The following DLGAP1 variants were observed in gnomAD, a reference collection of about 807,000 sequenced individuals.
DLGAP1 encodes DLG associated protein 1.
DLGAP1 carries 11 observed loss-of-function variants against 90.8 expected under a neutral mutation model. That is an observed-to-expected ratio of 0.12 (90% CI 0.08 to 0.20). The LOEUF is 0.20. DLGAP1 is among the 10% of genes least tolerant of loss of function. DLGAP1 has a pLI of 1.00. For missense variants in DLGAP1, 1,050 were observed against 1,333.8 expected, an observed-to-expected ratio of 0.79 and a Z score of 3.31; for synonymous variants, 558 against 540.7, an observed-to-expected ratio of 1.03 and a Z score of -0.44.
rs1568206879 is a variant in DLGAP1, at chr18:3,565,802, C to A, written c.2057+1688G>T. On this transcript the variant is annotated intron_variant, in intron 9 of 12. Transcript: ENST00000315677. The surrounding 1 kb of genome is among the most constrained non-coding windows in gnomAD (Gnocchi z 4.0). ...GTGAGCCGAAATTGCACCACTGCAC[C>A]CCAGCCTGGGCGACAGAGTGAGACT... Among the ~76,000 whole-genome samples, 2 of 151,698 alleles carry A rather than the reference C, an allele frequency of 1.3e-5. No individual in the cohort carries two copies. Among genetic ancestry groups the A allele is most frequent in the South Asian group, 2.1e-4 (1 of 4,794 alleles).
At chr18:3,589,784 T>C (rs910609516) in intron 7 of DLGAP1, among the ~76,000 whole-genome samples, 4 of 152,170 alleles carry the variant, frequency 2.6e-5, no homozygotes, top group African/African-American at 9.7e-5. Flanking sequence ...TGGTGTCATC[T>C]TACTGAGATG....
At chr18:3,953,904 G>A (rs2073035620) in intron 3 of DLGAP1, among the ~76,000 whole-genome samples, 1 of 152,192 alleles carries the variant, frequency 6.6e-6, no homozygotes, top group African/African-American at 2.4e-5. Context: ...GGGAAAAAAT[G>A]GCCGGAGAGA....
At chr18:4,021,388 GTCTC>G (rs1168900625) in intron 2 of DLGAP1, among the ~76,000 whole-genome samples, 1 of 151,928 alleles carries the variant, frequency 6.6e-6, no homozygotes, top group African/African-American at 2.4e-5. Context: ...ACCTCCCACT[GTCTC>G]TCTTTCTCTC....
At chr18:3,707,660 T>C (rs2061477696) in intron 7 of DLGAP1, among the ~76,000 whole-genome samples, 1 of 152,028 alleles carries the variant, frequency 6.6e-6, no homozygotes, top group African/African-American at 2.4e-5. Context: ...TGTCTTTTCA[T>C]TGCGCTTAGA....
intron 2 of DLGAP1, among the ~76,000 whole-genome samples, chr18:4,136,767 C>T (rs1319117997): frequency 2.0e-5 from 3 of 151,914 alleles, no homozygotes; most frequent in African/African-American, 7.3e-5. Context: ...TTCATTTTTG[C>T]TTTGGTTACC....
intron 5 of DLGAP1, among the ~76,000 whole-genome samples, chr18:3,754,708 G>A (rs1200442757): frequency 1.5e-5 from 2 of 133,748 alleles, no homozygotes; most frequent in Admixed American, 1.6e-4. Flanking sequence ...GGTGAAACCC[G>A]TCTCTACTAA....
At chr18:3,772,352 CTTTCTT>C (rs1568108701) in intron 5 of DLGAP1, among the ~76,000 whole-genome samples, 1,244 of 11,250 alleles carry the variant, frequency 0.11, 78 homozygotes, top group African/African-American at 0.14. Flanking sequence ...CTCTCTCTTT[CTTTCTT>C]TCTTTCTTTC....
chr18:3,551,764 CTTCCTTCT>C (rs1351351419), intron 9 of DLGAP1, among the ~76,000 whole-genome samples: 43 of 89,268 alleles, frequency 4.8e-4, no homozygotes, highest in African/African-American at 1.7e-3. Context: ...TCCTTCCTTC[CTTCCTTCT>C]TTCCTTCCTT....
chr18:3,923,661 A>G (rs1053754040), intron 3 of DLGAP1, among the ~76,000 whole-genome samples: 1 of 152,198 alleles, frequency 6.6e-6, no homozygotes, highest in Non-Finnish European at 1.5e-5. Context: ...TCCATTTTTT[A>G]AATTCCAAAG....
intron 1 of DLGAP1, among the ~76,000 whole-genome samples, chr18:4,226,313 G>T (rs368647055): frequency 6.6e-6 from 1 of 152,062 alleles, no homozygotes; most frequent in East Asian, 1.9e-4. Context: ...GAGTTCTTCA[G>T]TCTAAAAGAA....
intron 7 of DLGAP1, among the ~76,000 whole-genome samples, chr18:3,612,276 A>C (rs1355629089): frequency 2.0e-5 from 3 of 152,136 alleles, no homozygotes; most frequent in Non-Finnish European, 4.4e-5. Context: ...CTCTATAAAC[A>C]TCTGGTTTTT....
rs144643642 is a variant in DLGAP1 at position 4,254,503 on chromosome 18, T to C, written c.-266-103216A>G. Among the ~76,000 whole-genome samples, 626 of 152,342 alleles carry C rather than the reference T, an allele frequency of 4.1e-3. 6 individuals are homozygous for C. Among genetic ancestry groups the C allele is most frequent in the African/African-American group, 0.014 (601 of 41,576 alleles). On this transcript the variant is annotated intron_variant, in intron 1 of 12. Coordinates refer to ENST00000315677, the MANE Select transcript of DLGAP1 (RefSeq NM_004746.4). ...GTCGAATATCTAGGTCTTATTAAAC[T>C]CAATCAGGACTTCTCCAAAACATCA...
intron 3 of DLGAP1, among the ~76,000 whole-genome samples, chr18:3,941,443 T>G (rs1038905480): frequency 6.6e-6 from 1 of 152,176 alleles, no homozygotes; most frequent in East Asian, 1.9e-4. Flanking sequence ...GGAACCAAGG[T>G]TGGGCAAAGT....
intron 1 of DLGAP1, among the ~76,000 whole-genome samples, chr18:4,302,733 C>G (rs940028997): frequency 2.0e-5 from 3 of 152,016 alleles, no homozygotes; most frequent in Non-Finnish European, 2.9e-5. Context: ...GTTTTAGAAA[C>G]TTTTCTAATT....
At chr18:4,438,981 C>CA (rs1224477383) in intron 1 of DLGAP1, among the ~76,000 whole-genome samples, 1 of 152,192 alleles carries the variant, frequency 6.6e-6, no homozygotes, top group Non-Finnish European at 1.5e-5. Context: ...CTAGCAATGT[C>CA]ACGTTAGGAA....
chr18:3,898,778 A>G (rs2071716579), intron 3 of DLGAP1, among the ~76,000 whole-genome samples: 1 of 152,220 alleles, frequency 6.6e-6, no homozygotes, highest in African/African-American at 2.4e-5. Context: ...TGAACTAGAA[A>G]TAAAGTTATT....
intron 5 of DLGAP1, among the ~76,000 whole-genome samples, chr18:3,772,214 TTCTCTC>T (rs1167897030): frequency 2.0e-5 from 3 of 147,624 alleles, no homozygotes; most frequent in African/African-American, 7.7e-5. Flanking sequence ...CTCCTTTTCT[TTCTCTC>T]TTTCTTTTCT....
intron 7 of DLGAP1, among the ~76,000 whole-genome samples, chr18:3,693,661 A>T (rs2060977422): frequency 6.6e-6 from 1 of 152,252 alleles, no homozygotes; most frequent in Non-Finnish European, 1.5e-5. Flanking sequence ...ACTGAGGACC[A>T]TAAATTCTCT....
intron 3 of DLGAP1, among the ~76,000 whole-genome samples, chr18:3,889,774 T>C (rs923973912): frequency 6.6e-6 from 1 of 152,212 alleles, no homozygotes; most frequent in Non-Finnish European, 1.5e-5. Context: ...CTAGAATCAC[T>C]GGACTCTGGT....
Sources: gnomAD v4.1 joint callset for allele counts (sites outside exome capture counted in the v4.1 genomes callset) on GRCh38, gnomAD v4.1.1 for gene constraint, Gnocchi (gnomAD v3.1) non-coding constraint, MANE v1.5 for transcripts, NCBI Gene and HGNC (gene_info 2026-07-23, HGNC 2026-07-21) for gene names.